The following CFAP53 variants were observed in gnomAD, a reference collection of about 807,000 sequenced individuals.
CFAP53 encodes cilia- and flagella-associated protein 53.
A neutral mutation model predicts 59.7 loss-of-function variants in CFAP53; 62 were observed. The observed-to-expected ratio is 1.04, with a 90% CI of 0.85 to 1.28. The LOEUF is 1.28. CFAP53 is among the 50% of genes most tolerant of loss of function. CFAP53 has a pLI of 0.00. For missense variants in CFAP53, 629 were observed against 615.6 expected (o/e 1.02, Z -0.23); for synonymous variants, 218 against 205.7 (o/e 1.06, Z -0.51).
In CFAP53 at chr18:50,238,690, T is replaced by G. The variant is rs1325346622; in HGVS notation, c.1229A>C (p.Lys410Thr). ...TTCCATAGCACGTTCTTCCTGTTCTTTAGCTTCTCGTTGCACTAAGAAAAG... is the reference window on the plus strand; with the variant it reads ...TTCCATAGCACGTTCTTCCTGTTCTGTAGCTTCTCGTTGCACTAAGAAAAG... The part of the protein sequence containing the change: ...QVQEKLQREA[K>T]EQEERAMEQK... Residue 410 changes from lysine to threonine, a missense_variant, in exon 7 of 8, where the codon AAA (lysine) becomes ACA (threonine). Physicochemically the swap from Lys to Thr is moderately conservative, Grantham distance 78. Transcript: ENST00000398545. 1 of 1,611,178 alleles carries G rather than the reference T, an allele frequency of 6.2e-7. No individual in the cohort carries two copies. Among genetic ancestry groups the G allele is most frequent in the Admixed American group, 1.7e-5 (1 of 59,612 alleles).
rs114018994 is a variant in CFAP53 at position 50,244,454 on chromosome 18, C to T, written c.997-1338G>A. The stretch of plus-strand genomic sequence containing the variant: ...TCCCCAGCCATGTGAAACTGTGAGT[C>T]AATTACACCTTCTTTTTTAAATAAG... On this transcript the variant is annotated intron_variant, in intron 5 of 7. Coordinates refer to ENST00000398545, the MANE Select transcript of CFAP53 (RefSeq NM_145020.5). Among the ~76,000 whole-genome samples the T allele has an allele frequency of 7.3e-3, 1,110 of 152,262 alleles. 14 individuals are homozygous for T. Among genetic ancestry groups the T allele is most frequent in the African/African-American group, 0.025 (1,028 of 41,532 alleles).
intron 1 of CFAP53, among the ~76,000 whole-genome samples, chr18:50,263,522 G>GA (rs1568160543): frequency 6.6e-6 from 1 of 152,238 alleles, no homozygotes; most frequent in Non-Finnish European, 1.5e-5. Context: ...TAAGGAGACA[G>GA]AAGATGATGC....
At position 50,252,886 on chromosome 18, in the gene CFAP53, C is replaced by T. The variant is rs570221510; in HGVS notation, c.474-1102G>A. Among the ~76,000 whole-genome samples the T allele has an allele frequency of 9.2e-5, 14 of 152,360 alleles. No homozygotes were observed. In the South Asian group the frequency reaches 1.9e-3, roughly 20 times the overall value. On this transcript the variant is annotated intron_variant, in intron 3 of 7. Coordinates refer to ENST00000398545, the MANE Select transcript of CFAP53 (RefSeq NM_145020.5). ...AAAAAATTAGCTAGGCATGCTGGCACACGCCTGTAGTCCTAGCTACTTGGG... is the reference window on the plus strand; with the variant it reads ...AAAAAATTAGCTAGGCATGCTGGCATACGCCTGTAGTCCTAGCTACTTGGG...
intron 6 of CFAP53, among the ~76,000 whole-genome samples, chr18:50,239,811 A>C (rs1163811785): frequency 6.6e-6 from 1 of 152,232 alleles, no homozygotes; most frequent in Non-Finnish European, 1.5e-5. Flanking sequence ...TAGTAAAAAT[A>C]CTAGAAGAAA....
Position 50,227,415 on chromosome 18 carries a change from A to G in CFAP53, c.1511T>C (p.Met504Thr), listed in dbSNP as rs749239974. The G allele has an allele frequency of 6.2e-7, 1 of 1,614,102 alleles. No homozygotes were observed. Among genetic ancestry groups the G allele is most frequent in the South Asian group, 1.1e-5 (1 of 91,074 alleles). ...HQVLPQNIHP[M>T]RKACPSKLPP is the part of the protein sequence containing the mutation. ...AAGCTTACTGGGGCATGCCTTGCGC[A>G]TGGGATGAATGTTTTGAGGCAGCAC... Residue 504 changes from methionine to threonine, a missense_variant, in exon 8 of 8, where the codon ATG (methionine) becomes ACG (threonine). Transcript: ENST00000398545.
At chr18:50,249,704 A>G (rs2033779603) in intron 5 of CFAP53, among the ~76,000 whole-genome samples, 1 of 152,108 alleles carries the variant, frequency 6.6e-6, no homozygotes, top group South Asian at 2.1e-4. Context: ...AGGGTTAAGA[A>G]GGGGGTGGGG....
chr18:50,235,339 G>A (rs1343637002), intron 7 of CFAP53, among the ~76,000 whole-genome samples: 1 of 152,158 alleles, frequency 6.6e-6, no homozygotes. Flanking sequence ...GCTGAGGCAG[G>A]TGGATCACCT....
intron 7 of CFAP53, among the ~76,000 whole-genome samples, chr18:50,229,492 G>C (rs1240706381): frequency 6.6e-6 from 1 of 152,036 alleles, no homozygotes; most frequent in Non-Finnish European, 1.5e-5. Flanking sequence ...TTCATTAATA[G>C]ACCCTTGGGT....
rs573154402 is a variant in CFAP53 at position 50,256,706 on chromosome 18, T to G, written c.473+4358A>C. On this transcript the variant is annotated intron_variant, in intron 3 of 7. Coordinates refer to ENST00000398545, the MANE Select transcript of CFAP53 (RefSeq NM_145020.5). ...GTCCATATTATTAATAGCGAATTCA[T>G]GACAGAAAGAGCAGATGGAAGAAGC... is the stretch of plus-strand genomic sequence containing the variant. 2.6e-5 allele frequency among the ~76,000 whole-genome samples: 4 copies of G among 152,162 alleles called. No homozygotes were observed. In the East Asian group the frequency reaches 7.7e-4, roughly 29 times the overall value.
At chr18:50,243,280 T>C (rs2033711214) in intron 5 of CFAP53, among the ~76,000 whole-genome samples, 164 bp from the exon 6 acceptor site, 1 of 151,862 alleles carries the variant, frequency 6.6e-6, no homozygotes, top group Admixed American at 6.6e-5. Flanking sequence ...TACTCAAGAG[T>C]AGCGGGGGAA....
intron 7 of CFAP53, among the ~76,000 whole-genome samples, chr18:50,233,170 T>C (rs1022931772): frequency 3.3e-5 from 5 of 152,188 alleles, no homozygotes; most frequent in Admixed American, 6.5e-5. Flanking sequence ...AACTCATTCT[T>C]TGTGGTCTAA....
At position 50,250,776 on chromosome 18, in the gene CFAP53, A is replaced by G; in HGVS notation, c.978T>C (p.Asp326=). The G allele has an allele frequency of 6.2e-7, 1 of 1,614,058 alleles. No individual in the cohort carries two copies. Residue 326 remains aspartate, a synonymous_variant, in exon 5 of 8, where the codon GAT becomes GAC. Coordinates refer to ENST00000398545, the MANE Select transcript of CFAP53 (RefSeq NM_145020.5). ...GTCTTACTCTTTTTTGTTTCTTTTTATCTGCCTCTTCCTGTAAGTCTTGAA... is the reference window on the plus strand; with the variant it reads ...GTCTTACTCTTTTTTGTTTCTTTTTGTCTGCCTCTTCCTGTAAGTCTTGAA... The part of the protein sequence containing the change: ...RALQDLQEEA[D]KKKQKREDMI...
intron 3 of CFAP53, among the ~76,000 whole-genome samples, chr18:50,252,415 T>C (rs1229635396): frequency 6.6e-6 from 1 of 152,112 alleles, no homozygotes; most frequent in Non-Finnish European, 1.5e-5. Flanking sequence ...CTCACTTTTT[T>C]TTTTAAGAGA....
intron 7 of CFAP53, among the ~76,000 whole-genome samples, chr18:50,236,691 A>G (rs2033636532): frequency 6.6e-6 from 1 of 152,152 alleles, no homozygotes; most frequent in Non-Finnish European, 1.5e-5. Flanking sequence ...GTCAGCATAC[A>G]CTGCCAGCTA....
Position 50,227,563 on chromosome 18 carries a change from T to C in CFAP53, c.1363A>G (p.Ile455Val), listed in dbSNP as rs772827544. Residue 455 changes from isoleucine to valine, a missense_variant, in exon 8 of 8, where the codon ATC (isoleucine) becomes GTC (valine). Transcript: ENST00000398545. ...TCTTGGGACTGCTGCTGGTAGGCGA[T>C]TTGCATCTGAAGTTGCTTCCTGTAC... ...QEYRKQLQMQ[I>V]AYQQQSQEAE... 4.3e-6 allele frequency: 7 copies of C among 1,614,120 alleles called. No homozygotes were observed. The East Asian group carries it at 1.3e-4, about 31-fold the overall frequency.
chr18:50,251,486 G>A lies in CFAP53; in HGVS notation c.772C>T (p.Leu258Phe), dbSNP rs756279535. 54 of 1,612,250 alleles carry A rather than the reference G, an allele frequency of 3.3e-5. No homozygotes were observed. Among genetic ancestry groups the A allele is most frequent in the Non-Finnish European group, 4.4e-5 (52 of 1,179,692 alleles). Reference sequence around the variant, plus strand: ...CAAGCATTTTAAAGGCCCACCACAAGGCGTGCCTCCTCTTCCTTCAGCAGC... The same window carrying A: ...CAAGCATTTTAAAGGCCCACCACAAAGCGTGCCTCCTCTTCCTTCAGCAGC... Reference protein sequence around the residue: ...TQLLKEEEARLVESNNAQIKH... With the variant: ...TQLLKEEEARFVESNNAQIKH... Residue 258 changes from leucine (L) to phenylalanine (F), a missense_variant, in exon 4 of 8, where the codon CTT becomes TTT. By Grantham distance (22) the Leu-to-Phe change is conservative. Coordinates refer to ENST00000398545, the MANE Select transcript of CFAP53 (RefSeq NM_145020.5).
rs1373426264 is a variant in CFAP53, at chr18:50,266,479, C to T, written c.-75G>A. The T allele has an allele frequency of 6.9e-7, 1 of 1,449,828 alleles. No homozygotes were observed. Among genetic ancestry groups the T allele is most frequent in the Non-Finnish European group, 9.7e-7 (1 of 1,030,680 alleles). The allele number at this position is 1,449,828 out of a possible 1,614,324, so 89.8% of individuals were successfully genotyped here. A position where few individuals can be genotyped will look rare whatever the true frequency, so the allele number is the denominator to read the frequency against. ...CCGTGGCGACCTGCGGGACCCGCTT[C>T]CGCGACGCAGAAGTCTGGTTGCCAT... is the stretch of plus-strand genomic sequence containing the variant. On this transcript the variant is annotated 5_prime_UTR_variant, in exon 1 of 8. Coordinates refer to ENST00000398545, the MANE Select transcript of CFAP53 (RefSeq NM_145020.5).
chr18:50,231,502 C>T (rs1268862046), intron 7 of CFAP53, among the ~76,000 whole-genome samples: 2 of 152,206 alleles, frequency 1.3e-5, no homozygotes, highest in African/African-American at 4.8e-5. Context: ...CTAGCTGGAG[C>T]TACCTACACT....
intron 5 of CFAP53, among the ~76,000 whole-genome samples, chr18:50,245,928 T>C (rs1020288789): frequency 2.0e-5 from 3 of 152,192 alleles, no homozygotes; most frequent in Non-Finnish European, 4.4e-5. Flanking sequence ...GTCACTCTTG[T>C]TGCTCGGGCT....
Sources: gnomAD v4.1 joint callset for allele counts (sites outside exome capture counted in the v4.1 genomes callset) on GRCh38, gnomAD v4.1.1 for gene constraint, MANE v1.5 for transcripts, NCBI Gene and HGNC (gene_info 2026-07-23, HGNC 2026-07-21) for gene names.